RAB28: variants seen among roughly 807,000 people sequenced by gnomAD.
The protein encoded by RAB28 is RAB28, member RAS oncogene family.
RAB28 carries 24 observed loss-of-function variants against 31.7 expected under a neutral mutation model. The ratio of observed to expected loss-of-function variants is 0.76; its 90% CI spans 0.55 to 1.06. The LOEUF is 1.06. Among genes scored for constraint, RAB28 ranks in the 50% least tolerant of loss-of-function variants. RAB28 has a pLI of 0.00. For missense variants in RAB28, 254 were observed against 258.5 expected, an observed-to-expected ratio of 0.98 and a Z score of 0.12; for synonymous variants, 100 against 90.4, an observed-to-expected ratio of 1.11 and a Z score of -0.60.
intron 4 of RAB28, among the ~76,000 whole-genome samples, chr4:13,455,888 A>G (rs1201555606): frequency 6.6e-6 from 1 of 152,222 alleles, no homozygotes; most frequent in Admixed American, 6.5e-5. Flanking sequence ...GTGTCTCCAC[A>G]CCACCCTTCT....
intron 4 of RAB28, among the ~76,000 whole-genome samples, chr4:13,458,062 T>G (rs1394581151): frequency 6.6e-6 from 1 of 152,124 alleles, no homozygotes; most frequent in Non-Finnish European, 1.5e-5. Flanking sequence ...AAAACATGAT[T>G]TGTCAAAGGG....
intron 4 of RAB28, among the ~76,000 whole-genome samples, chr4:13,386,754 C>T (rs902257020): frequency 6.6e-6 from 1 of 152,048 alleles, no homozygotes; most frequent in African/African-American, 2.4e-5. Context: ...GGGTATATAC[C>T]CAAAGGAATA....
chr4:13,389,643 C>T (rs1387186501), intron 4 of RAB28, among the ~76,000 whole-genome samples: 1 of 152,144 alleles, frequency 6.6e-6, no homozygotes, highest in Admixed American at 6.5e-5. Context: ...CATACCACCA[C>T]TCTCAGATTA....
intron 6 of RAB28, chr4:13,369,844 A>G (rs1164591547): frequency 4.4e-6 from 7 of 1,590,852 alleles, no homozygotes; most frequent in East Asian, 4.5e-5. Context: ...CCACCTCCCC[A>G]AACTGTAATA....
At chr4:13,477,247 A>T (rs534713175) in intron 2 of RAB28, among the ~76,000 whole-genome samples, 1 of 151,598 alleles carries the variant, frequency 6.6e-6, no homozygotes, top group African/African-American at 2.4e-5. Flanking sequence ...ATCATGAAAT[A>T]TACTAAAATG....
chr4:13,418,371 G>C (rs752568417), intron 4 of RAB28, among the ~76,000 whole-genome samples: 2 of 152,110 alleles, frequency 1.3e-5, no homozygotes, highest in Non-Finnish European at 2.9e-5. Flanking sequence ...CAGCAAGGCA[G>C]GCCAACATTC....
At chr4:13,477,958 C>A (rs1716439838) in intron 2 of RAB28, among the ~76,000 whole-genome samples, 1 of 151,308 alleles carries the variant, frequency 6.6e-6, no homozygotes, top group South Asian at 2.1e-4. Context: ...AGCTTTTCAA[C>A]TAAAAAATGA....
chr4:13,379,329 G>A (rs1729043529), intron 5 of RAB28, among the ~76,000 whole-genome samples: 1 of 151,514 alleles, frequency 6.6e-6, no homozygotes. Flanking sequence ...TGAACTTAAA[G>A]TGAAAACTCC....
intron 4 of RAB28, among the ~76,000 whole-genome samples, chr4:13,438,425 C>T (rs1330249909): frequency 6.6e-6 from 1 of 151,994 alleles, no homozygotes; most frequent in Non-Finnish European, 1.5e-5. Flanking sequence ...TAGTCATTAC[C>T]TTTCCCTCCC....
chr4:13,394,436 G>A (rs1276148988), intron 4 of RAB28, among the ~76,000 whole-genome samples: 1 of 152,152 alleles, frequency 6.6e-6, no homozygotes, highest in African/African-American at 2.4e-5. Flanking sequence ...GATCTGACAG[G>A]AGGTGGAGCT....
chr4:13,372,922 A>G (rs1728770062), intron 6 of RAB28, among the ~76,000 whole-genome samples: 2 of 151,966 alleles, frequency 1.3e-5, no homozygotes, highest in African/African-American at 4.8e-5. Flanking sequence ...ATTTGAGGGG[A>G]CAATAAGGAA....
intron 4 of RAB28, among the ~76,000 whole-genome samples, chr4:13,457,894 A>G (rs1715381840): frequency 6.6e-6 from 1 of 152,198 alleles, no homozygotes. Flanking sequence ...GAAAAAAATT[A>G]AAACAAATCA....
chr4:13,384,701 GA>G (rs945694916), intron 4 of RAB28, among the ~76,000 whole-genome samples: 4 of 151,926 alleles, frequency 2.6e-5, no homozygotes, highest in African/African-American at 9.7e-5. Context: ...TAGGATAAAA[GA>G]AAAAAAGTCC....
chr4:13,434,613 ATG>A (rs1560291660), intron 4 of RAB28, among the ~76,000 whole-genome samples: 1 of 152,204 alleles, frequency 6.6e-6, no homozygotes, highest in Non-Finnish European at 1.5e-5. Flanking sequence ...GTTCTCATCT[ATG>A]CATGGAACAT....
chr4:13,477,567 A>C (rs1716419078), intron 2 of RAB28, among the ~76,000 whole-genome samples: 3 of 151,460 alleles, frequency 2.0e-5, no homozygotes, highest in African/African-American at 7.2e-5. Context: ...ATATAAAAAC[A>C]AAATACATTA....
chr4:13,369,554 A>G (rs561603378), intron 6 of RAB28, among the ~76,000 whole-genome samples: 2 of 152,298 alleles, frequency 1.3e-5, no homozygotes, highest in African/African-American at 4.8e-5. Context: ...ATTTCAGGAA[A>G]AATGGTAAGG....
chr4:13,472,535 C>T (rs1376527210), intron 3 of RAB28, among the ~76,000 whole-genome samples: 1 of 151,610 alleles, frequency 6.6e-6, no homozygotes, highest in Non-Finnish European at 1.5e-5. Flanking sequence ...ATTATTTACC[C>T]TGAAATGCAT....
chr4:13,377,767 G>A (rs551733565), intron 5 of RAB28, among the ~76,000 whole-genome samples: 24 of 152,316 alleles, frequency 1.6e-4, no homozygotes, highest in African/African-American at 5.3e-4. Context: ...ATATTATGGA[G>A]GCTGAACCAA....
intron 6 of RAB28, chr4:13,371,349 A>T (rs1340606898): frequency 1.0e-6 from 1 of 985,294 alleles, no homozygotes; most frequent in East Asian, 1.1e-4. Flanking sequence ...CCCCAAACCT[A>T]ACTGTTTCAT....
Sources: gnomAD v4.1 joint callset for allele counts (sites outside exome capture counted in the v4.1 genomes callset) on GRCh38, gnomAD v4.1.1 for gene constraint, MANE v1.5 for transcripts, NCBI Gene and HGNC (gene_info 2026-07-23, HGNC 2026-07-21) for gene names.